RYR3: variants seen among roughly 807,000 people sequenced by gnomAD.
RYR3 encodes brain ryanodine receptor-calcium release channel.
Under a neutral mutation model 584.3 loss-of-function variants are expected in RYR3, and 207 were observed. The ratio of observed to expected loss-of-function variants is 0.35; its 90% CI spans 0.32 to 0.40. RYR3 has a LOEUF of 0.40. Ranked by LOEUF, RYR3 falls within the 10% of genes least tolerant of loss-of-function variation. The pLI, the probability that RYR3 is intolerant of heterozygous loss-of-function variation, is 1.00. For synonymous variants in RYR3, 2,416 were observed against 2,248.5 expected, an observed-to-expected ratio of 1.07 and a Z score of -2.11; for missense variants, 5,616 against 6,089.2, an observed-to-expected ratio of 0.92 and a Z score of 2.59.
intron 2 of RYR3, among the ~76,000 whole-genome samples, chr15:33,479,751 A>C (rs536577385): frequency 1.3e-4 from 20 of 152,338 alleles, no homozygotes; most frequent in African/African-American, 4.6e-4. Context: ...TAAAGAAGGC[A>C]TATTACTCCA....
chr15:33,730,279 A>G (rs1290426140), intron 47 of RYR3, among the ~76,000 whole-genome samples: 1 of 152,186 alleles, frequency 6.6e-6, no homozygotes, highest in African/African-American at 2.4e-5. Context: ...TAAACAGCAA[A>G]TGCTATTCTA....
Position 33,756,337 on chromosome 15 carries a change from G to C in RYR3, c.8547G>C (p.Lys2849Asn). The C allele has an allele frequency of 6.3e-7, 1 of 1,581,210 alleles. No individual in the cohort carries two copies. The highest frequency in any genetic ancestry group is 8.6e-7 in the Non-Finnish European group (1 of 1,162,666). Residue 2849 changes from lysine to asparagine, a missense_variant, in exon 59 of 104, where the codon AAG (lysine) becomes AAC (asparagine). Transcript: ENST00000634891. ...TTGTCAGCAGTGGGAAAACTGAAAA[G>C]TCTCCCCGTGACCAGGAGATCAAAT... ...EAIVSSGKTE[K>N]SPRDQEIKFF...
At chr15:33,793,896 C>T (rs977136021) in intron 67 of RYR3, among the ~76,000 whole-genome samples, 7 of 141,988 alleles carry the variant, frequency 4.9e-5, no homozygotes, top group African/African-American at 1.8e-4. Flanking sequence ...AAACACTTTA[C>T]ACACAACACC....
At chr15:33,549,330 A>G (rs1384970914) in intron 9 of RYR3, among the ~76,000 whole-genome samples, 2 of 152,256 alleles carry the variant, frequency 1.3e-5, no homozygotes, top group East Asian at 3.9e-4. Flanking sequence ...TGAAGAATTC[A>G]AGCCTTTTAT....
intron 1 of RYR3, among the ~76,000 whole-genome samples, chr15:33,420,101 G>C (rs1467435508): frequency 6.6e-6 from 1 of 152,234 alleles, no homozygotes; most frequent in East Asian, 1.9e-4. Flanking sequence ...GAATTTATCA[G>C]ACAATAGGTG....
chr15:33,782,133 G>A lies in RYR3; in HGVS notation c.9268+1792G>A, dbSNP rs977225058. Among the ~76,000 whole-genome samples, 5 of 152,202 alleles carry A rather than the reference G, an allele frequency of 3.3e-5. No homozygotes were observed. In the South Asian group the frequency reaches 1.0e-3, roughly 32 times the overall value. On this transcript the variant is annotated intron_variant, in intron 65 of 103. Transcript: ENST00000634891. ...ATCTCTGTCTCTATACCAGCACTGT[G>A]TAGAGCTTCACCTGGGGAAAGAGAG...
chr15:33,579,343 C>A (rs894127846), intron 12 of RYR3, among the ~76,000 whole-genome samples: 5 of 152,026 alleles, frequency 3.3e-5, no homozygotes, highest in African/African-American at 9.7e-5. Context: ...ATGCAGAGAT[C>A]TCAGAAGACA....
Position 33,860,581 on chromosome 15 carries a change from A to C in RYR3, c.14300-14A>C. On this transcript the variant is annotated splice_polypyrimidine_tract_variant and intron_variant, in intron 100 of 103. Coordinates refer to ENST00000634891, the MANE Select transcript of RYR3 (RefSeq NM_001036.6). ...ACTACACAGATTGCTTTGTCTTTGT[A>C]TTTAACATTCCAGGTCTTATTATTG... is the stretch of plus-strand genomic sequence containing the variant. 6.4e-7 allele frequency: 1 copy of C among 1,554,392 alleles called. No homozygotes were observed. Among genetic ancestry groups the C allele is most frequent in the Non-Finnish European group, 8.8e-7 (1 of 1,141,748 alleles).
At chr15:33,347,959 TG>T (rs1406361825) in intron 1 of RYR3, among the ~76,000 whole-genome samples, 3 of 150,234 alleles carry the variant, frequency 2.0e-5, no homozygotes, top group Non-Finnish European at 4.5e-5. Flanking sequence ...TTTTTTTTTT[TG>T]GCACTTTTAA....
Position 33,788,387 on chromosome 15 carries a change from C to A in RYR3, c.9759C>A (p.Asp3253Glu). Residue 3253 changes from aspartate (D) to glutamate (E), a missense_variant, in exon 67 of 104, where the codon GAC becomes GAA. Asp to Glu is a conservative substitution (Grantham distance 45). Around this residue, in one of 9 missense-constraint regions of RYR3, gnomAD observed 954 missense variants for 1,132.2 expected, o/e 0.84. Transcript: ENST00000634891. ...AGGAGGCAGAACTCCTCATCCTGGA[C>A]GAGTTCGCGGTCCTCTGCAGAGATC... ...DTQEAELLIL[D>E]EFAVLCRDLY... The A allele has an allele frequency of 6.2e-7, 1 of 1,613,850 alleles. No individual in the cohort carries two copies. The highest frequency in any genetic ancestry group is 8.5e-7 in the Non-Finnish European group (1 of 1,179,802).
rs754985836 is a variant in RYR3 at position 33,813,608 on chromosome 15, G to C, written c.10502+29G>C. 1.8e-5 allele frequency: 28 copies of C among 1,545,076 alleles called. No individual in the cohort carries two copies. In the East Asian group the frequency reaches 5.4e-4, roughly 30 times the overall value. On this transcript the variant is annotated intron_variant, in intron 74 of 103. Coordinates refer to ENST00000634891, the MANE Select transcript of RYR3 (RefSeq NM_001036.6). ...AGTATTTTGTCTTTTTTCCTGGCAT[G>C]TAAGCCAGCGATGGGAATGGAGGTA...
At position 33,738,514 on chromosome 15, in the gene RYR3, A is replaced by G; in HGVS notation, c.7580A>G (p.Tyr2527Cys). ...TGCCTGCCTTCAGGATGGGGGAGCT[A>G]CGGGCTAGCTGTGGAAGAAGAGCTG... is the stretch of plus-strand genomic sequence containing the variant. ...YYCLPSGWGSYGLAVEEELHL... is the reference protein window; with the variant it reads ...YYCLPSGWGSCGLAVEEELHL... Residue 2527 changes from tyrosine to cysteine, a missense_variant, in exon 50 of 104, where the codon TAC (tyrosine) becomes TGC (cysteine). Tyr to Cys is a radical substitution (Grantham distance 194). Coordinates refer to ENST00000634891, the MANE Select transcript of RYR3 (RefSeq NM_001036.6). 6.2e-7 allele frequency: 1 copy of G among 1,613,942 alleles called. No individual in the cohort carries two copies. Among genetic ancestry groups the G allele is most frequent in the Non-Finnish European group, 8.5e-7 (1 of 1,179,842 alleles).
At position 33,738,457 on chromosome 15, in the gene RYR3, C is replaced by T. The variant is rs200542900; in HGVS notation, c.7523C>T (p.Thr2508Met). The T allele has an allele frequency of 4.3e-4, 689 of 1,612,990 alleles. 1 individual carries two copies. Among genetic ancestry groups the T allele is most frequent in the Non-Finnish European group, 5.1e-4 (606 of 1,179,396 alleles). The change falls in exon 50 of 104, where the codon ACG (threonine) becomes ATG (methionine). Residue 2508 changes from threonine (T) to methionine (M), a missense_variant. By Grantham distance (81) the Thr-to-Met change is moderately conservative. Coordinates refer to ENST00000634891, the MANE Select transcript of RYR3 (RefSeq NM_001036.6). ...CTGTTCTGCACCTCCCAGCTTCTGACGAATCACTATGAACAGTGTTGGAAG... is the reference window on the plus strand; with the variant it reads ...CTGTTCTGCACCTCCCAGCTTCTGATGAATCACTATGAACAGTGTTGGAAG... ...EYCKMPLKLLTNHYEQCWKYY... is the reference protein window; with the variant it reads ...EYCKMPLKLLMNHYEQCWKYY...
chr15:33,437,322 G>A (rs2045823761), intron 1 of RYR3, among the ~76,000 whole-genome samples: 1 of 152,174 alleles, frequency 6.6e-6, no homozygotes, highest in African/African-American at 2.4e-5. Context: ...TTACATCATT[G>A]CCATCCTTAA....
At chr15:33,333,847 C>G (rs1344730914) in intron 1 of RYR3, among the ~76,000 whole-genome samples, 2 of 152,186 alleles carry the variant, frequency 1.3e-5, no homozygotes, top group African/African-American at 4.8e-5. Context: ...TCAGTAAAGT[C>G]TCAGGATACA....
intron 7 of RYR3, among the ~76,000 whole-genome samples, chr15:33,541,677 A>C (rs915556013): frequency 6.6e-6 from 1 of 152,190 alleles, no homozygotes; most frequent in African/African-American, 2.4e-5. Flanking sequence ...ATGCCGGTCT[A>C]TTCTATCATG....
chr15:33,721,464 C>T (rs1290929018), intron 43 of RYR3, among the ~76,000 whole-genome samples: 3 of 152,160 alleles, frequency 2.0e-5, no homozygotes, highest in East Asian at 1.9e-4. Context: ...ATTTTTTGCA[C>T]GAGAATAAAT....
intron 1 of RYR3, among the ~76,000 whole-genome samples, chr15:33,435,886 A>G (rs542445082): frequency 1.3e-5 from 2 of 152,360 alleles, no homozygotes; most frequent in East Asian, 3.9e-4. Context: ...AGTTGCCACT[A>G]CTGGCTGGGG....
intron 1 of RYR3, among the ~76,000 whole-genome samples, chr15:33,454,677 A>G (rs1037946759): frequency 6.6e-6 from 1 of 152,178 alleles, no homozygotes; most frequent in Non-Finnish European, 1.5e-5. Context: ...AGATTAGATG[A>G]TGTATATGAT....
Sources: allele counts gnomAD v4.1 joint callset (sites outside exome capture counted in the v4.1 genomes callset), GRCh38; gene constraint gnomAD v4.1.1; regional missense constraint gnomAD v4.1.1; transcripts MANE v1.5; gene names NCBI Gene and HGNC (gene_info 2026-07-23, HGNC 2026-07-21).